The following ZFP14 variants were observed in gnomAD, a reference collection of about 807,000 sequenced individuals.
ZFP14 encodes the protein ZFP14 zinc finger protein, also known as zinc finger protein 14 homolog.
Under a neutral mutation model 54.5 loss-of-function variants are expected in ZFP14, and 22 were observed. The observed-to-expected ratio is 0.40, with a 90% confidence interval of 0.29 to 0.58. The LOEUF (loss-of-function observed/expected upper bound fraction) is 0.58, where lower values mean the gene tolerates loss of function less well. Among genes scored for constraint, ZFP14 ranks in the 20% least tolerant of loss-of-function variants. The pLI, the probability that ZFP14 is intolerant of heterozygous loss-of-function variation, is 0.39. For synonymous variants in ZFP14, 159 were observed against 204.0 expected, an observed-to-expected ratio of 0.78 and a Z score of 1.88; for missense variants, 470 against 637.8, an observed-to-expected ratio of 0.74 and a Z score of 2.83.
intron 2 of ZFP14, among the ~76,000 whole-genome samples, chr19:36,366,651 C>A (rs1035140948): frequency 2.6e-5 from 4 of 152,064 alleles, no homozygotes; most frequent in Admixed American, 2.6e-4. Context: ...AGCAAAATTA[C>A]ATTATAGTGT....
intron 2 of ZFP14, among the ~76,000 whole-genome samples, chr19:36,366,173 C>A (rs2031791159): frequency 6.6e-6 from 1 of 151,738 alleles, no homozygotes. Flanking sequence ...AAGGCTGAGG[C>A]AGGAGAATCG....
intron 2 of ZFP14, among the ~76,000 whole-genome samples, chr19:36,363,582 C>G (rs2031746047): frequency 6.6e-6 from 1 of 152,050 alleles, no homozygotes; most frequent in South Asian, 2.1e-4. Flanking sequence ...TTGTCACAAT[C>G]GGAGGAAAGG....
chr19:36,360,569 C>T (rs772073689), intron 3 of ZFP14, 36 bp from the exon 4 acceptor site: 4 of 1,562,098 alleles, frequency 2.6e-6, no homozygotes, highest in Non-Finnish European at 1.7e-6. Flanking sequence ...GAATTATACA[C>T]CAGAAAATCT....
intron 4 of ZFP14, among the ~76,000 whole-genome samples, chr19:36,349,279 A>ACATAATTTC (rs1198391459): frequency 3.4e-4 from 49 of 146,206 alleles, no homozygotes; most frequent in African/African-American, 1.1e-3. Flanking sequence ...AACAGGAAGA[A>ACATAATTTC]CATAATTTCT....
chr19:36,373,358 T>G (rs1327383530), intron 1 of ZFP14, among the ~76,000 whole-genome samples: 1 of 149,400 alleles, frequency 6.7e-6, no homozygotes, highest in Non-Finnish European at 1.5e-5. Context: ...AGTAGAATGG[T>G]AGTTACCAGA....
rs1480825978 is a variant in ZFP14, at chr19:36,340,530, G to A, written c.1296C>T (p.Ala432=). 1 of 1,614,030 alleles carries A rather than the reference G, an allele frequency of 6.2e-7. No individual in the cohort carries two copies. The highest frequency in any genetic ancestry group is 1.7e-5 in the Admixed American group (1 of 60,014). The change falls in exon 5 of 5, where the codon GCC becomes GCT. Residue 432 remains alanine, a synonymous_variant. Coordinates refer to ENST00000270001, the MANE Select transcript of ZFP14 (RefSeq NM_020917.3). The surrounding 1 kb of genome is among the most constrained non-coding windows in gnomAD (Gnocchi z 5.4). The stretch of plus-strand genomic sequence containing the variant: ...GAGTAAGTTGTGAGAGCAGTCTAAA[G>A]GCCTTTCCACACTCTTCACATTCAT... ...RPYECEECGK[A]FRLLSQLTQH...
rs1600060098 is a variant in ZFP14 at position 36,335,616 on chromosome 19, T to G, written c.*4608A>C. ...ACATTTTTTGTTAATCTATTTGGGT[T>G]ATACGGTGAGTTAATTGTAAAACAT... On this transcript the variant is annotated 3_prime_UTR_variant, in exon 5 of 5. Transcript: ENST00000270001. The G allele has an allele frequency of 6.6e-6, 1 of 151,990 alleles. No homozygotes were observed. Among genetic ancestry groups the G allele is most frequent in the Non-Finnish European group, 1.5e-5 (1 of 68,022 alleles). 9.4% of individuals were successfully genotyped at this position (151,990 alleles called of 1,614,324 possible).
intron 4 of ZFP14, among the ~76,000 whole-genome samples, chr19:36,346,604 T>C (rs1194423272): frequency 6.6e-6 from 1 of 151,988 alleles, no homozygotes; most frequent in East Asian, 1.9e-4. Context: ...ACTACAGGTG[T>C]TTCTACCATG....
At chr19:36,365,776 T>G (rs1335397750) in intron 2 of ZFP14, among the ~76,000 whole-genome samples, 1 of 151,930 alleles carries the variant, frequency 6.6e-6, no homozygotes, top group African/African-American at 2.4e-5. Flanking sequence ...TTAGGCAACA[T>G]AGTGGGACCC....
intron 4 of ZFP14, among the ~76,000 whole-genome samples, chr19:36,359,558 G>T (rs193019379): frequency 6.7e-6 from 1 of 149,838 alleles, no homozygotes; most frequent in Non-Finnish European, 1.5e-5. Flanking sequence ...TGTCAGTTCC[G>T]GTAAGTTGTA....
intron 4 of ZFP14, among the ~76,000 whole-genome samples, chr19:36,346,428 T>G (rs1182713252): frequency 6.6e-6 from 1 of 151,328 alleles, no homozygotes; most frequent in Non-Finnish European, 1.5e-5. Flanking sequence ...AAATGGCCAC[T>G]AGCTATTCAG....
At position 36,334,692 on chromosome 19, in the gene ZFP14, A is replaced by C. The variant is rs1159040178; in HGVS notation, c.*5532T>G. On this transcript the variant is annotated 3_prime_UTR_variant, in exon 5 of 5. Transcript: ENST00000270001. The stretch of plus-strand genomic sequence containing the variant: ...CCCAACACAACCACTCACCATATCT[A>C]AAATTACACCCTTGAAGACATTCAT... 6.6e-6 allele frequency: 1 copy of C among 152,172 alleles called. No individual in the cohort carries two copies. The highest frequency in any genetic ancestry group is 1.9e-4 in the East Asian group (1 of 5,180). 9.4% of individuals were successfully genotyped at this position (152,172 alleles called of 1,614,324 possible).
In ZFP14 at chr19:36,340,215, T is replaced by A; in HGVS notation, c.*9A>T. On this transcript the variant is annotated 3_prime_UTR_variant, in exon 5 of 5. Coordinates refer to ENST00000270001, the MANE Select transcript of ZFP14 (RefSeq NM_020917.3). This position sits in a 1 kb window ranked among gnomAD's most constrained non-coding sequence, Gnocchi z 5.4. ...TGTAACATCATATACATTTGAAGGC[T>A]TTCTTCTATTAAATTCCATTATGAA... 6.5e-7 allele frequency: 1 copy of A among 1,548,878 alleles called. No homozygotes were observed. The highest frequency in any genetic ancestry group is 8.7e-7 in the Non-Finnish European group (1 of 1,149,930).
chr19:36,340,384 T>G lies in ZFP14; in HGVS notation c.1442A>C (p.Glu481Ala). ...AAAAGCCTTACCACATTCCTTACAT[T>G]CATAAGGTTTCTCACCAGTGTGAAT... The part of the protein sequence containing the change: ...QSIHTGEKPY[E>A]CKECGKAFRL... The change falls in exon 5 of 5, where the codon GAA becomes GCA. Residue 481 changes from glutamate to alanine, a missense_variant. Physicochemically the swap from Glu to Ala is moderately radical, Grantham distance 107. Coordinates refer to ENST00000270001, the MANE Select transcript of ZFP14 (RefSeq NM_020917.3). The surrounding 1 kb of genome is among the most constrained non-coding windows in gnomAD (Gnocchi z 5.4). The G allele has an allele frequency of 3.1e-6, 5 of 1,614,170 alleles. No individual in the cohort carries two copies. The highest frequency in any genetic ancestry group is 4.2e-6 in the Non-Finnish European group (5 of 1,180,028).
At position 36,367,947 on chromosome 19, in the gene ZFP14, AC is replaced by A. The variant is rs2031820976; in HGVS notation, c.-56del. 1 of 1,591,722 alleles carries A rather than the reference AC, an allele frequency of 6.3e-7. No individual in the cohort carries two copies. The highest frequency in any genetic ancestry group is 8.6e-7 in the Non-Finnish European group (1 of 1,168,626). ...CTTTTCAAGATTTCTCTGTTGGAGA[AC>A]TATGGAGTCCTGATAAGCCAGAGCT... is the stretch of plus-strand genomic sequence containing the variant. On this transcript the variant is annotated 5_prime_UTR_variant, in exon 2 of 5. Coordinates refer to ENST00000270001, the MANE Select transcript of ZFP14 (RefSeq NM_020917.3).
chr19:36,378,022 T>C (rs981524453), intron 1 of ZFP14: 1 of 152,198 alleles, frequency 6.6e-6, no homozygotes, highest in Non-Finnish European at 1.5e-5. Context: ...CAAGCCCGCA[T>C]AGTCTGACAA....
intron 4 of ZFP14, among the ~76,000 whole-genome samples, chr19:36,347,878 T>C (rs2031447433): frequency 6.6e-6 from 1 of 152,026 alleles, no homozygotes; most frequent in Non-Finnish European, 1.5e-5. Flanking sequence ...CTGGCCAACA[T>C]GGTGAAACTG....
intron 4 of ZFP14, among the ~76,000 whole-genome samples, chr19:36,351,048 G>T (rs2031516864): frequency 7.0e-6 from 1 of 143,616 alleles, no homozygotes. Flanking sequence ...TAAGTTCTTT[G>T]GGTACACAGA....
intron 1 of ZFP14, among the ~76,000 whole-genome samples, chr19:36,368,198 G>A (rs188112302): frequency 6.6e-6 from 1 of 152,290 alleles, no homozygotes; most frequent in East Asian, 1.9e-4. Flanking sequence ...GCCGGGCACG[G>A]TGGCTCTCGC....
Sources: gnomAD v4.1 joint callset for allele counts (sites outside exome capture counted in the v4.1 genomes callset) on GRCh38, gnomAD v4.1.1 for gene constraint, Gnocchi (gnomAD v3.1) non-coding constraint, MANE v1.5 for transcripts, NCBI Gene and HGNC (gene_info 2026-07-23, HGNC 2026-07-21) for gene names.